ZCCHC17: variants seen among roughly 807,000 people sequenced by gnomAD.
The protein encoded by ZCCHC17 is zinc finger CCHC domain-containing protein 17.
ZCCHC17 carries 18 observed loss-of-function variants against 30.6 expected under a neutral mutation model. The observed-to-expected ratio is 0.59, with a 90% CI of 0.41 to 0.87. ZCCHC17 has a LOEUF of 0.87. ZCCHC17 is among the 40% of genes least tolerant of loss of function. The pLI, the probability that ZCCHC17 is intolerant of heterozygous loss-of-function variation, is 0.00. For synonymous variants in ZCCHC17, 88 were observed against 92.4 expected, an observed-to-expected ratio of 0.95 and a Z score of 0.27; for missense variants, 263 against 284.2, an observed-to-expected ratio of 0.93 and a Z score of 0.54.
chr1:31,310,477 T>C (rs1197901126), intron 2 of ZCCHC17, among the ~76,000 whole-genome samples: 3 of 152,254 alleles, frequency 2.0e-5, no homozygotes, highest in African/African-American at 4.8e-5. Flanking sequence ...TGCATCAACG[T>C]TGGGAGGTAG....
intron 3 of ZCCHC17, among the ~76,000 whole-genome samples, chr1:31,323,353 GCTC>G (rs1488407037): frequency 6.6e-6 from 1 of 150,952 alleles, no homozygotes; most frequent in Non-Finnish European, 1.5e-5. Context: ...ACGGAGTCTT[GCTC>G]TGTTGCCCAG....
intron 2 of ZCCHC17, among the ~76,000 whole-genome samples, chr1:31,313,871 C>CTT (rs34717953): frequency 2.0e-5 from 3 of 146,456 alleles, no homozygotes; most frequent in African/African-American, 5.0e-5. Flanking sequence ...TCTTCTTTCT[C>CTT]TTTTTTTTTT....
chr1:31,322,621 T>A (rs1387057658), intron 3 of ZCCHC17, among the ~76,000 whole-genome samples: 5 of 152,176 alleles, frequency 3.3e-5, no homozygotes, highest in Non-Finnish European at 7.3e-5. Flanking sequence ...ATATGGAGGA[T>A]CTGTTATATA....
chr1:31,319,335 G>A (rs1014244842), intron 3 of ZCCHC17, among the ~76,000 whole-genome samples, 169 bp downstream of exon 3: 2 of 152,180 alleles, frequency 1.3e-5, no homozygotes, highest in African/African-American at 4.8e-5. Context: ...TTAGCGGGCA[G>A]AGAATTGTGG....
chr1:31,315,402 TTCATCCTG>T (rs1460112741), intron 2 of ZCCHC17, among the ~76,000 whole-genome samples: 1 of 152,174 alleles, frequency 6.6e-6, no homozygotes, highest in Non-Finnish European at 1.5e-5. Context: ...GAAGCCAGTA[TTCATCCTG>T]TCATCCTCTG....
rs187975453 is a variant in ZCCHC17 at position 31,305,349 on chromosome 1, G to A, written c.-55-4695G>A. On this transcript the variant is annotated intron_variant, in intron 1 of 7. Coordinates refer to ENST00000344147, the MANE Select transcript of ZCCHC17 (RefSeq NM_016505.4). ...GGCTGGAGTGCAGTGGTATGATCACGGCTCAGTGCACTCTCCATCTCTTGG... is the reference window on the plus strand; with the variant it reads ...GGCTGGAGTGCAGTGGTATGATCACAGCTCAGTGCACTCTCCATCTCTTGG... 1.3e-4 allele frequency among the ~76,000 whole-genome samples: 19 copies of A among 151,952 alleles called. No homozygotes were observed. In the East Asian group the frequency reaches 2.5e-3, roughly 20 times the overall value.
At position 31,348,990 on chromosome 1, in the gene ZCCHC17, C is replaced by T; in HGVS notation, c.564+16C>T. ...AAGAAAGAAGGTGAATGCTACTTTG[C>T]TTTTATTTTATCATGTCTTTTTCAA... On this transcript the variant is annotated intron_variant, in intron 7 of 7. Coordinates refer to ENST00000344147, the MANE Select transcript of ZCCHC17 (RefSeq NM_016505.4). 2 of 1,552,928 alleles carry T rather than the reference C, an allele frequency of 1.3e-6. No individual in the cohort carries two copies. Among genetic ancestry groups the T allele is most frequent in the Non-Finnish European group, 1.7e-6 (2 of 1,156,728 alleles).
chr1:31,361,019 TA>T (rs1639868344), intron 7 of ZCCHC17, among the ~76,000 whole-genome samples: 1 of 152,218 alleles, frequency 6.6e-6, no homozygotes, highest in Non-Finnish European at 1.5e-5. Flanking sequence ...TTTTCATTTT[TA>T]CTTTCCCAGG....
At chr1:31,338,905 C>A in intron 4 of ZCCHC17, 52 bp from the exon 5 acceptor site, 1 of 1,203,976 alleles carries the variant, frequency 8.3e-7, no homozygotes, top group South Asian at 1.3e-5. Flanking sequence ...TTAGACTGGC[C>A]ATCTAAATGA....
chr1:31,321,577 T>G (rs1646862341), intron 3 of ZCCHC17, among the ~76,000 whole-genome samples: 1 of 152,168 alleles, frequency 6.6e-6, no homozygotes. Context: ...TGAGTTCAAG[T>G]GATTTTCATG....
intron 7 of ZCCHC17, among the ~76,000 whole-genome samples, chr1:31,357,484 C>T (rs1474114700): frequency 1.3e-5 from 2 of 152,212 alleles, no homozygotes; most frequent in Non-Finnish European, 2.9e-5. Flanking sequence ...AGAGCTTCTA[C>T]TGTGTGCTAA....
intron 7 of ZCCHC17, 149 bp downstream of exon 7, chr1:31,349,123 T>C: frequency 1.2e-6 from 1 of 867,920 alleles, no homozygotes; most frequent in South Asian, 2.2e-5. Flanking sequence ...AGTTTAAGGC[T>C]GCGGTGCGCT....
chr1:31,334,513 T>C (rs1638738946), intron 3 of ZCCHC17, among the ~76,000 whole-genome samples: 1 of 152,028 alleles, frequency 6.6e-6, no homozygotes, highest in Admixed American at 6.6e-5. Context: ...ATGTTCATTT[T>C]CTCCAGAATT....
chr1:31,336,327 T>C (rs1209956033), intron 3 of ZCCHC17, among the ~76,000 whole-genome samples: 1 of 152,208 alleles, frequency 6.6e-6, no homozygotes, highest in Non-Finnish European at 1.5e-5. Context: ...TTTTGGCTCT[T>C]GTGAGTTTTT....
At chr1:31,357,092 A>G (rs1370103510) in intron 7 of ZCCHC17, among the ~76,000 whole-genome samples, 1 of 152,216 alleles carries the variant, frequency 6.6e-6, no homozygotes, top group African/African-American at 2.4e-5. Flanking sequence ...AGTAAACTTT[A>G]GATATGTTTG....
chr1:31,320,176 A>G (rs908938779), intron 3 of ZCCHC17, among the ~76,000 whole-genome samples: 3 of 152,224 alleles, frequency 2.0e-5, no homozygotes, highest in Admixed American at 6.5e-5. Flanking sequence ...ACTCAACAAT[A>G]CAAAGGAATG....
At position 31,310,042 on chromosome 1, in the gene ZCCHC17, A is replaced by C. The variant is rs1465509780; in HGVS notation, c.-55-2A>C. The C allele has an allele frequency of 1.9e-6, 3 of 1,560,446 alleles. No homozygotes were observed. The highest frequency in any genetic ancestry group is 8.8e-7 in the Non-Finnish European group (1 of 1,137,406). On this transcript the variant is annotated splice_acceptor_variant, in intron 1 of 7. Transcript: ENST00000344147. LOFTEE classifies it low-confidence loss of function (5UTR_SPLICE). ...AATTGGTGTCTGATTTCTTTATGAC[A>C]GGACACTTGTATTAGCTTTAATAGA...
At chr1:31,348,673 G>C (rs1048472391) in intron 6 of ZCCHC17, among the ~76,000 whole-genome samples, 156 bp from the exon 7 acceptor site, 1 of 152,194 alleles carries the variant, frequency 6.6e-6, no homozygotes, top group Non-Finnish European at 1.5e-5. Flanking sequence ...TGTTGAGGTG[G>C]TAGAAAATCT....
intron 4 of ZCCHC17, among the ~76,000 whole-genome samples, chr1:31,337,915 C>T (rs755810859): frequency 2.6e-5 from 4 of 152,066 alleles, no homozygotes; most frequent in Non-Finnish European, 5.9e-5. Context: ...TAAGAGCGAA[C>T]CAGACAAAAA....
Sources: allele counts gnomAD v4.1 joint callset (sites outside exome capture counted in the v4.1 genomes callset), GRCh38; gene constraint gnomAD v4.1.1; transcripts MANE v1.5; gene names NCBI Gene and HGNC (gene_info 2026-07-23, HGNC 2026-07-21).